MYO6: variants seen among roughly 807,000 people sequenced by gnomAD.
MYO6 encodes myosin VI, also known as unconventional myosin-VI.
A neutral mutation model predicts 178.7 loss-of-function variants in MYO6; 74 were observed. The ratio of observed to expected loss-of-function variants is 0.41; its 90% CI spans 0.34 to 0.50. The LOEUF (loss-of-function observed/expected upper bound fraction) is 0.50, where lower values mean the gene tolerates loss of function less well. Ranked by LOEUF, MYO6 falls within the 20% of genes least tolerant of loss-of-function variation. The probability of loss-of-function intolerance (pLI) is 0.09; values close to 1 mark genes in which losing one functional copy is unlikely to be tolerated. For synonymous variants in MYO6, 477 were observed against 504.6 expected, an observed-to-expected ratio of 0.95 and a Z score of 0.73; for missense variants, 1,330 against 1,547.4, an observed-to-expected ratio of 0.86 and a Z score of 2.36.
chr6:75,859,319 A>C (rs1258061269), intron 14 of MYO6, among the ~76,000 whole-genome samples: 3 of 147,530 alleles, frequency 2.0e-5, no homozygotes, highest in East Asian at 3.9e-4. Context: ...TTTTTTTTTG[A>C]GATAGAGTCT....
Position 75,761,832 on chromosome 6 carries a change from G to C in MYO6, c.-48+12409G>C, listed in dbSNP as rs73460939. Among the ~76,000 whole-genome samples, 177 of 152,074 alleles carry C rather than the reference G, an allele frequency of 1.2e-3. 1 individual carries two copies. The highest frequency in any genetic ancestry group is 4.0e-3 in the African/African-American group (164 of 41,384). ...CAGAGTAGGTCAGCATGATTGAACAGTGAAAGGTTTATGTCAGATGGGTTC... is the reference window on the plus strand; with the variant it reads ...CAGAGTAGGTCAGCATGATTGAACACTGAAAGGTTTATGTCAGATGGGTTC... On this transcript the variant is annotated intron_variant, in intron 1 of 34. Transcript: ENST00000369977.
intron 7 of MYO6, among the ~76,000 whole-genome samples, chr6:75,839,049 G>T (rs1367632799): frequency 6.6e-6 from 1 of 151,900 alleles, no homozygotes; most frequent in Non-Finnish European, 1.5e-5. Context: ...TCTTATTTTG[G>T]CATGTGAAAT....
In MYO6 at chr6:75,765,547, C is replaced by T. The variant is rs571119782; in HGVS notation, c.-48+16124C>T. Among the ~76,000 whole-genome samples the T allele has an allele frequency of 5.3e-5, 8 of 151,904 alleles. No homozygotes were observed. The East Asian group carries it at 9.7e-4, about 18-fold the overall frequency. On this transcript the variant is annotated intron_variant, in intron 1 of 34. Transcript: ENST00000369977. ...AGGGAAGAAATTTCTGAACTCTTAC[C>T]CAGTGCTCTAGAATCAAGTTTCATC...
intron 13 of MYO6, among the ~76,000 whole-genome samples, chr6:75,857,604 A>G (rs1317303701): frequency 6.6e-6 from 1 of 152,216 alleles, no homozygotes; most frequent in East Asian, 1.9e-4. Flanking sequence ...ATAACAAAAA[A>G]AGATAAATAG....
intron 1 of MYO6, among the ~76,000 whole-genome samples, chr6:75,790,398 G>T (rs1210610096): frequency 2.1e-5 from 3 of 146,132 alleles, no homozygotes; most frequent in African/African-American, 7.6e-5. Flanking sequence ...TTCTTTTTGA[G>T]ATGGAGTCTT....
intron 32 of MYO6, among the ~76,000 whole-genome samples, chr6:75,910,972 A>T (rs1780716743): frequency 6.6e-6 from 1 of 152,114 alleles, no homozygotes; most frequent in African/African-American, 2.4e-5. Context: ...AAAGAGTAAT[A>T]GGTTGACAGC....
chr6:75,825,635 G>T (rs992288706), intron 3 of MYO6, among the ~76,000 whole-genome samples: 1 of 152,072 alleles, frequency 6.6e-6, no homozygotes, highest in Non-Finnish European at 1.5e-5. Flanking sequence ...TCTAAAAGTT[G>T]CCTCAGTCTC....
intron 7 of MYO6, among the ~76,000 whole-genome samples, chr6:75,839,314 A>C (rs1231169116): frequency 6.6e-6 from 1 of 151,696 alleles, no homozygotes; most frequent in Non-Finnish European, 1.5e-5. Flanking sequence ...TCAGCCTCCC[A>C]TGTAGCTGGG....
At position 75,841,237 on chromosome 6, in the gene MYO6, T is replaced by G. The variant is rs775574293; in HGVS notation, c.675T>G (p.Val225=). The G allele has an allele frequency of 9.3e-6, 15 of 1,613,908 alleles. No homozygotes were observed. Among genetic ancestry groups the G allele is most frequent in the Admixed American group, 1.7e-5 (1 of 60,008 alleles). ...AGAGCTCAGTTGTTGGAGGATTTGT[T>G]TCACATTATCTCCTAGAGAAATCTA... ...NEKSSVVGGF[V]SHYLLEKSRI... is the part of the protein sequence containing the mutation. Residue 225 remains valine, a synonymous_variant, in exon 9 of 35, where the codon GTT becomes GTG. Transcript: ENST00000369977.
At chr6:75,778,361 G>A (rs972631455) in intron 1 of MYO6, among the ~76,000 whole-genome samples, 7 of 152,106 alleles carry the variant, frequency 4.6e-5, no homozygotes, top group Non-Finnish European at 1.0e-4. Context: ...TTGGGAGGCC[G>A]AGGCAGGCGG....
chr6:75,794,861 A>G (rs570742200), intron 1 of MYO6, among the ~76,000 whole-genome samples: 3 of 152,360 alleles, frequency 2.0e-5, no homozygotes, highest in African/African-American at 7.2e-5. Context: ...GATTGTAATT[A>G]ATACTACTTC....
chr6:75,781,143 T>G (rs1354594688), intron 1 of MYO6, among the ~76,000 whole-genome samples: 1 of 152,030 alleles, frequency 6.6e-6, no homozygotes, highest in African/African-American at 2.4e-5. Flanking sequence ...AAATTGGGCC[T>G]TGGGCATCTA....
At chr6:75,761,351 C>G (rs1777926418) in intron 1 of MYO6, among the ~76,000 whole-genome samples, 1 of 152,004 alleles carries the variant, frequency 6.6e-6, no homozygotes, top group Non-Finnish European at 1.5e-5. Context: ...ATGAGTTTGA[C>G]CATATGACCA....
intron 1 of MYO6, among the ~76,000 whole-genome samples, chr6:75,759,802 C>T (rs1206225041): frequency 6.6e-6 from 1 of 152,156 alleles, no homozygotes; most frequent in Admixed American, 6.5e-5. Context: ...ATCACTTTCT[C>T]ATTTAACTGA....
chr6:75,859,368 C>T (rs182519187), intron 14 of MYO6, among the ~76,000 whole-genome samples: 169 of 151,148 alleles, frequency 1.1e-3, no homozygotes, highest in African/African-American at 3.9e-3. Flanking sequence ...GGTGTGATCT[C>T]GGCTCACTGC....
intron 26 of MYO6, 135 bp downstream of exon 26, chr6:75,890,400 G>A (rs761896838): frequency 1.3e-5 from 16 of 1,243,810 alleles, no homozygotes; most frequent in Non-Finnish European, 1.7e-5. Context: ...AGGCTGGAGT[G>A]CAGTGGCGCG....
At position 75,801,280 on chromosome 6, in the gene MYO6, AGAG is replaced by A. The variant is rs1469516702; in HGVS notation, c.-47-16216_-47-16214del. 7.5e-4 allele frequency among the ~76,000 whole-genome samples: 114 copies of A among 151,926 alleles called. 2 individuals carry two copies. Among genetic ancestry groups the A allele is most frequent in the Admixed American group, 6.2e-3 (95 of 15,252 alleles). ...TTCTTCACAAGGTGCTTCACAGAAAAGAGGAGGGAGAAAGAGAAGAGCGGGGAG... is the reference window on the plus strand; with the variant it reads ...TTCTTCACAAGGTGCTTCACAGAAAAGAGGGAGAAAGAGAAGAGCGGGGAG... On this transcript the variant is annotated intron_variant, in intron 1 of 34. Coordinates refer to ENST00000369977, the MANE Select transcript of MYO6 (RefSeq NM_004999.4).
chr6:75,808,615 A>G (rs1206262468), intron 1 of MYO6, among the ~76,000 whole-genome samples: 1 of 152,192 alleles, frequency 6.6e-6, no homozygotes, highest in African/African-American at 2.4e-5. Context: ...ACTCCTGAAT[A>G]TGGCAGAGAC....
chr6:75,898,252 G>A, intron 29 of MYO6, 121 bp from the exon 30 acceptor site: 1 of 660,732 alleles, frequency 1.5e-6, no homozygotes, highest in Non-Finnish European at 2.5e-6. Flanking sequence ...AAGTAAAACA[G>A]TTATGAACAG....
Sources: allele counts gnomAD v4.1 joint callset (sites outside exome capture counted in the v4.1 genomes callset), GRCh38; gene constraint gnomAD v4.1.1; transcripts MANE v1.5; gene names NCBI Gene and HGNC (gene_info 2026-07-23, HGNC 2026-07-21).